EPB41: variants seen among roughly 807,000 people sequenced by gnomAD.
EPB41 encodes the protein protein 4.1.
Under a neutral mutation model 108.0 loss-of-function variants are expected in EPB41, and 65 were observed. That is an observed-to-expected ratio of 0.60 (90% confidence interval 0.49 to 0.74). EPB41 has a LOEUF of 0.74. Ranked by LOEUF, EPB41 falls within the 30% of genes least tolerant of loss-of-function variation. The pLI, the probability that EPB41 is intolerant of heterozygous loss-of-function variation, is 0.00. For missense variants in EPB41, 875 were observed against 1,037.0 expected, an observed-to-expected ratio of 0.84 and a Z score of 2.15; for synonymous variants, 336 against 358.9, an observed-to-expected ratio of 0.94 and a Z score of 0.72.
intron 10 of EPB41, among the ~76,000 whole-genome samples, chr1:29,037,659 C>G (rs915059716): frequency 2.0e-5 from 3 of 151,702 alleles, no homozygotes; most frequent in African/African-American, 7.3e-5. Context: ...GCCTCAACCT[C>G]CCAAGTAGCT....
intron 2 of EPB41, among the ~76,000 whole-genome samples, chr1:28,989,125 A>G (rs2095944819): frequency 1.3e-5 from 2 of 152,192 alleles, no homozygotes; most frequent in South Asian, 4.1e-4. Flanking sequence ...AGTCATGTCT[A>G]CCTTATTTTG....
chr1:28,970,369 T>A (rs1026816943), intron 1 of EPB41, among the ~76,000 whole-genome samples: 1 of 152,204 alleles, frequency 6.6e-6, no homozygotes, highest in Non-Finnish European at 1.5e-5. Context: ...GTATTTGAGT[T>A]TCAAAATTTT....
At chr1:28,934,324 T>C (rs2148618358) in intron 1 of EPB41, among the ~76,000 whole-genome samples, 1 of 152,292 alleles carries the variant, frequency 6.6e-6, no homozygotes, top group East Asian at 1.9e-4. Context: ...GGTCTTAAGG[T>C]AGTTTATCAG....
chr1:28,919,387 C>G (rs1226840372), intron 1 of EPB41, among the ~76,000 whole-genome samples: 3 of 152,148 alleles, frequency 2.0e-5, no homozygotes, highest in African/African-American at 7.2e-5. Context: ...AACATGCAAT[C>G]TGGGTAGGAA....
chr1:28,956,403 C>T (rs1458784177), intron 1 of EPB41, among the ~76,000 whole-genome samples: 1 of 152,136 alleles, frequency 6.6e-6, no homozygotes, highest in East Asian at 1.9e-4. Context: ...TGTGAGTAAA[C>T]ACAGCTGTAT....
At chr1:28,896,089 G>A (rs1298997251) in intron 1 of EPB41, among the ~76,000 whole-genome samples, 1 of 152,146 alleles carries the variant, frequency 6.6e-6, no homozygotes, top group Admixed American at 6.5e-5. Context: ...GTGACCTTAG[G>A]CAAGATATCT....
chr1:28,997,840 C>G (rs1427153170), intron 4 of EPB41, among the ~76,000 whole-genome samples: 1 of 151,990 alleles, frequency 6.6e-6, no homozygotes, highest in Non-Finnish European at 1.5e-5. Context: ...AAAAGGAAAC[C>G]ATTGTTAACT....
At chr1:29,097,659 C>A in intron 16 of EPB41, 148 bp from the exon 17 acceptor site, 1 of 878,284 alleles carries the variant, frequency 1.1e-6, no homozygotes, top group Admixed American at 2.0e-5. Flanking sequence ...GGAATACTGT[C>A]GAAGTCTTAG....
In EPB41 at chr1:29,089,931, C is replaced by T. The variant is rs139540297; in HGVS notation, c.2185-7876C>T. Among the ~76,000 whole-genome samples, 689 of 152,124 alleles carry T rather than the reference C, an allele frequency of 4.5e-3. 4 individuals carry two copies. Among genetic ancestry groups the T allele is most frequent in the African/African-American group, 0.016 (653 of 41,490 alleles). On this transcript the variant is annotated intron_variant, in intron 16 of 20. Transcript: ENST00000343067. ...AAGGAAGAAAGGAAAGAAGAAAAAC[C>T]GTTGAGGGCATTTGTGGTAATCTGG...
chr1:28,908,440 A>ATTT (rs1041889824), intron 1 of EPB41, among the ~76,000 whole-genome samples: 12 of 144,804 alleles, frequency 8.3e-5, no homozygotes, highest in Non-Finnish European at 1.7e-4. Flanking sequence ...TATTATTATT[A>ATTT]TTTTTTTTTG....
At chr1:29,046,194 G>A (rs1210164428) in intron 11 of EPB41, among the ~76,000 whole-genome samples, 1 of 150,848 alleles carries the variant, frequency 6.6e-6, no homozygotes, top group South Asian at 2.1e-4. Context: ...GCACTATCTC[G>A]GCTCACTGCA....
chr1:28,887,341 A>T lies in EPB41; in HGVS notation c.-8+131A>T. On this transcript the variant is annotated intron_variant, in intron 1 of 16. Transcript: ENST00000347529. This position sits in a 1 kb window ranked among gnomAD's most constrained non-coding sequence, Gnocchi z 4.9. ...ACCAGGGTCGAAGGGTCCAGGGCTG[A>T]GGGGTCCAGCGGTCCCGAATTCCAG... 1 of 1,158,454 alleles carries T rather than the reference A, an allele frequency of 8.6e-7. No homozygotes were observed. The highest frequency in any genetic ancestry group is 1.7e-5 in the South Asian group (1 of 59,620). The allele number at this position is 1,158,454 out of a possible 1,614,324, so 71.8% of individuals were successfully genotyped here.
intron 7 of EPB41, among the ~76,000 whole-genome samples, chr1:29,027,573 C>T (rs909547255): frequency 1.3e-4 from 19 of 151,746 alleles, no homozygotes; most frequent in Non-Finnish European, 2.2e-4. Flanking sequence ...TCAGGTGATC[C>T]GCCCACCTCG....
intron 1 of EPB41, among the ~76,000 whole-genome samples, chr1:28,898,889 T>C (rs1337978798): frequency 3.3e-5 from 5 of 152,248 alleles, no homozygotes; most frequent in Non-Finnish European, 1.5e-5. Context: ...TTTATTTTTT[T>C]TTTCCTCTGG....
intron 11 of EPB41, among the ~76,000 whole-genome samples, chr1:29,040,300 G>A (rs904794255): frequency 3.3e-5 from 5 of 151,122 alleles, no homozygotes; most frequent in African/African-American, 1.2e-4. Flanking sequence ...TATTTTTTGA[G>A]ATGGAGTCCC....
intron 1 of EPB41, among the ~76,000 whole-genome samples, chr1:28,960,094 G>C (rs577552562): frequency 2.0e-5 from 3 of 150,966 alleles, no homozygotes; most frequent in African/African-American, 7.3e-5. Context: ...CGACCTCCTG[G>C]CTCAAGTAGT....
intron 1 of EPB41, among the ~76,000 whole-genome samples, chr1:28,897,834 T>C (rs2090880154): frequency 6.6e-6 from 1 of 152,042 alleles, no homozygotes; most frequent in Admixed American, 6.6e-5. Flanking sequence ...AGTAAACATT[T>C]ATTGAGAGCT....
intron 8 of EPB41, among the ~76,000 whole-genome samples, chr1:29,032,398 T>G (rs2096801714): frequency 6.6e-6 from 1 of 152,198 alleles, no homozygotes; most frequent in Non-Finnish European, 1.5e-5. Flanking sequence ...TTCTGGGAAA[T>G]TCTCAGTTAC....
chr1:28,928,222 T>G (rs578251845), intron 1 of EPB41, among the ~76,000 whole-genome samples: 1 of 152,082 alleles, frequency 6.6e-6, no homozygotes, highest in Non-Finnish European at 1.5e-5. Context: ...ACAACACATA[T>G]GTTTTCTAGT....
Sources: allele counts gnomAD v4.1 joint callset (sites outside exome capture counted in the v4.1 genomes callset), GRCh38; gene constraint gnomAD v4.1.1; non-coding constraint Gnocchi (gnomAD v3.1); transcripts MANE v1.5; gene names NCBI Gene and HGNC (gene_info 2026-07-23, HGNC 2026-07-21).